CYLD: variants seen among roughly 807,000 people sequenced by gnomAD.
The protein encoded by CYLD is CYLD lysine 63 deubiquitinase, also known as ubiquitin carboxyl-terminal hydrolase CYLD.
Under a neutral mutation model 104.5 loss-of-function variants are expected in CYLD, and 26 were observed. That is an observed-to-expected ratio of 0.25 (90% CI 0.18 to 0.35). The LOEUF is 0.35. Among genes scored for constraint, CYLD ranks in the 10% least tolerant of loss-of-function variants. The pLI, the probability that CYLD is intolerant of heterozygous loss-of-function variation, is 1.00. For synonymous variants in CYLD, 385 were observed against 399.9 expected, an observed-to-expected ratio of 0.96 and a Z score of 0.45; for missense variants, 703 against 1,136.1, an observed-to-expected ratio of 0.62 and a Z score of 5.48.
intron 5 of CYLD, among the ~76,000 whole-genome samples, chr16:50,768,058 T>C (rs1265400740): frequency 1.3e-5 from 2 of 152,180 alleles, no homozygotes; most frequent in Non-Finnish European, 2.9e-5. Context: ...TTTGATCTTC[T>C]AAATCAGTAG....
chr16:50,799,862 TG>T lies in CYLD; in HGVS notation c.*3355del. On this transcript the variant is annotated 3_prime_UTR_variant, in exon 19 of 19. Coordinates refer to ENST00000427738, the MANE Select transcript of CYLD (RefSeq NM_001378743.1). ...GGAGGATAAAGTATTAGACTTTTGC[TG>T]AGTAACTGCCAACCAAGAAGTATTT... The T allele has an allele frequency of 4.3e-6, 1 of 233,178 alleles. No homozygotes were observed. The highest frequency in any genetic ancestry group is 8.5e-6 in the Non-Finnish European group (1 of 117,990). The allele number at this position is 233,178 out of a possible 1,614,324, so 14.4% of individuals were successfully genotyped here. A position where few individuals can be genotyped will look rare whatever the true frequency, so the allele number is the denominator to read the frequency against.
At chr16:50,747,551 G>C (rs1255295768) in intron 2 of CYLD, among the ~76,000 whole-genome samples, 1 of 152,186 alleles carries the variant, frequency 6.6e-6, no homozygotes, top group Non-Finnish European at 1.5e-5. Flanking sequence ...GGAAAGTGTT[G>C]ACATGTTAAA....
chr16:50,768,891 A>G (rs1968816147), intron 5 of CYLD, among the ~76,000 whole-genome samples: 1 of 152,214 alleles, frequency 6.6e-6, no homozygotes, highest in Non-Finnish European at 1.5e-5. Flanking sequence ...AACCCCCTAC[A>G]TTCAGACAAC....
Position 50,794,187 on chromosome 16 carries a change from A to G in CYLD, c.2470-25A>G, listed in dbSNP as rs774446359. On this transcript the variant is annotated intron_variant, in intron 17 of 18. Coordinates refer to ENST00000427738, the MANE Select transcript of CYLD (RefSeq NM_001378743.1). The surrounding 1 kb of genome is among the most constrained non-coding windows in gnomAD (Gnocchi z 4.1). ...GTGATCCACCAGCCTCGGCCTAATG[A>G]CATTCTTTTCATGGTCCATTTTAGG... The G allele has an allele frequency of 1.1e-5, 18 of 1,601,934 alleles. No individual in the cohort carries two copies. Among genetic ancestry groups the G allele is most frequent in the Non-Finnish European group, 1.5e-5 (17 of 1,169,356 alleles).
chr16:50,787,653 CTG>C (rs1424077870), intron 13 of CYLD, 131 bp from the exon 14 acceptor site: 5 of 583,170 alleles, frequency 8.6e-6, no homozygotes, highest in African/African-American at 5.6e-5. Flanking sequence ...AACTTGAAAA[CTG>C]TGCTTTTAAT....
chr16:50,754,246 T>C, intron 4 of CYLD, 73 bp from the exon 5 acceptor site: 1 of 1,010,394 alleles, frequency 9.9e-7, no homozygotes, highest in South Asian at 1.3e-5. Flanking sequence ...TGGAGGATTC[T>C]TTATGGAAAA....
In CYLD at chr16:50,794,548, T is replaced by C; in HGVS notation, c.2686+120T>C. 2.1e-6 allele frequency: 2 copies of C among 958,100 alleles called. No individual in the cohort carries two copies. The highest frequency in any genetic ancestry group is 3.4e-6 in the Non-Finnish European group (2 of 595,628). The allele number at this position is 958,100 out of a possible 1,614,324, so 59.3% of individuals were successfully genotyped here. On this transcript the variant is annotated intron_variant, in intron 18 of 18. Transcript: ENST00000427738. The surrounding 1 kb of genome is among the most constrained non-coding windows in gnomAD (Gnocchi z 4.1). ...TGAGAAAATCCTTTCAGGATTATTC[T>C]GGTGACAACAGTCTTATATCTTGGA...
Position 50,801,656 on chromosome 16 carries a change from G to T in CYLD, c.*5148G>T, listed in dbSNP as rs902925893. On this transcript the variant is annotated 3_prime_UTR_variant, in exon 19 of 19. Transcript: ENST00000427738. ...CATCTGAAACTTCCCAGGGGAGTTG[G>T]GATTCTTAGTAGATTGGTAGAAAGG... 1.3e-5 allele frequency: 3 copies of T among 233,136 alleles called. No individual in the cohort carries two copies. The highest frequency in any genetic ancestry group is 2.5e-5 in the Non-Finnish European group (3 of 117,808). The allele number at this position is 233,136 out of a possible 1,614,324, so 14.4% of individuals were successfully genotyped here.
chr16:50,775,476 A>G (rs1391493368), intron 6 of CYLD, among the ~76,000 whole-genome samples: 2 of 152,162 alleles, frequency 1.3e-5, no homozygotes, highest in East Asian at 3.8e-4. Context: ...TTTTATATGT[A>G]TAAGTGTTTG....
chr16:50,783,364 A>G (rs1970465315), intron 11 of CYLD, among the ~76,000 whole-genome samples: 1 of 152,194 alleles, frequency 6.6e-6, no homozygotes, highest in Non-Finnish European at 1.5e-5. Context: ...GGAAGTTAAT[A>G]TGGGATGTTA....
chr16:50,742,721 GT>G (rs1965814968), intron 1 of CYLD, 40 bp from the exon 2 acceptor site: 1 of 398,786 alleles, frequency 2.5e-6, no homozygotes, highest in African/African-American at 2.1e-5. Flanking sequence ...GGCAGTCGGG[GT>G]TCTGGCCTTG....
intron 1 of CYLD, 69 bp downstream of exon 1, chr16:50,742,193 AG>A (rs1965719275): frequency 1.3e-5 from 2 of 151,272 alleles, no homozygotes; most frequent in African/African-American, 4.9e-5. Context: ...AGCCGGGGCG[AG>A]GGGCGACGCC....
rs866079535 is a variant in CYLD at position 50,778,100 on chromosome 16, G to A, written c.1138+159G>A. 2.2e-5 allele frequency: 13 copies of A among 585,488 alleles called. No homozygotes were observed. The Middle Eastern group carries it at 1.4e-3, about 62-fold the overall frequency. The allele number at this position is 585,488 out of a possible 1,614,324, so 36.3% of individuals were successfully genotyped here. A position where few individuals can be genotyped will look rare whatever the true frequency, so the allele number is the denominator to read the frequency against. On this transcript the variant is annotated intron_variant, in intron 8 of 18. Transcript: ENST00000427738. ...TAAAATATTGTACACAGTTTGAACC[G>A]TACTGCTGTTAAGATTATTAAAATG...
At chr16:50,775,514 A>T (rs1969584778) in intron 6 of CYLD, among the ~76,000 whole-genome samples, 1 of 152,308 alleles carries the variant, frequency 6.6e-6, no homozygotes, top group Non-Finnish European at 1.5e-5. Context: ...TTCTTAACAT[A>T]TATGTTTTTA....
chr16:50,778,054 C>A, intron 8 of CYLD, 113 bp downstream of exon 8: 5 of 680,128 alleles, frequency 7.4e-6, no homozygotes, highest in Non-Finnish European at 1.3e-5. Flanking sequence ...AAGTAGACCG[C>A]TCTTTGTAAT....
At chr16:50,774,550 G>A (rs141134399) in intron 5 of CYLD, among the ~76,000 whole-genome samples, 1 of 152,260 alleles carries the variant, frequency 6.6e-6, no homozygotes, top group East Asian at 1.9e-4. Context: ...AGTAAAATAA[G>A]GGTGACTTGA....
At chr16:50,766,068 A>G (rs1298194467) in intron 5 of CYLD, among the ~76,000 whole-genome samples, 15 of 152,234 alleles carry the variant, frequency 9.9e-5, no homozygotes, top group Admixed American at 9.8e-4. Context: ...TGTAGGCAAA[A>G]CAGCCTTCTA....
At chr16:50,758,117 A>G (rs1967475744) in intron 5 of CYLD, among the ~76,000 whole-genome samples, 1 of 152,162 alleles carries the variant, frequency 6.6e-6, no homozygotes, top group African/African-American at 2.4e-5. Context: ...AAAATGATAA[A>G]CACAGTGAGG....
rs1968497291 is a variant in CYLD at position 50,766,188 on chromosome 16, G to A, written c.914-8978G>A. 2.0e-5 allele frequency among the ~76,000 whole-genome samples: 3 copies of A among 152,310 alleles called. No individual in the cohort carries two copies. In the South Asian group the frequency reaches 6.2e-4, roughly 32 times the overall value. On this transcript the variant is annotated intron_variant, in intron 5 of 18. Coordinates refer to ENST00000427738, the MANE Select transcript of CYLD (RefSeq NM_001378743.1). ...CTTTTGTTAGGGGTTAATGCAGTTG[G>A]TGACTTTAAGTTGAAGCCAGGATTC...
Sources: allele counts gnomAD v4.1 joint callset (sites outside exome capture counted in the v4.1 genomes callset), GRCh38; gene constraint gnomAD v4.1.1; non-coding constraint Gnocchi (gnomAD v3.1); transcripts MANE v1.5; gene names NCBI Gene and HGNC (gene_info 2026-07-23, HGNC 2026-07-21).